The following PI4KA variants were observed in gnomAD, a reference collection of about 807,000 sequenced individuals.
PI4KA encodes phosphatidylinositol 4-kinase alpha.
A neutral mutation model predicts 271.4 loss-of-function variants in PI4KA; 122 were observed. That is an observed-to-expected ratio of 0.45 (90% CI 0.39 to 0.52). PI4KA has a LOEUF of 0.52. Among genes scored for constraint, PI4KA ranks in the 20% least tolerant of loss-of-function variants. PI4KA has a pLI of 0.00. For missense variants in PI4KA, 1,969 were observed against 2,769.1 expected, an observed-to-expected ratio of 0.71 and a Z score of 6.48; for synonymous variants, 1,041 against 1,078.8, an observed-to-expected ratio of 0.96 and a Z score of 0.69.
At chr22:20,770,626 ACACAC>A (rs1379938317) in intron 19 of PI4KA, among the ~76,000 whole-genome samples, 1 of 135,104 alleles carries the variant, frequency 7.4e-6, no homozygotes, top group Non-Finnish European at 1.6e-5. Flanking sequence ...ACACACACAC[ACACAC>A]AAGCTGGACA....
intron 9 of PI4KA, among the ~76,000 whole-genome samples, chr22:20,809,881 G>C (rs1264417596): frequency 6.6e-6 from 1 of 152,152 alleles, no homozygotes; most frequent in Non-Finnish European, 1.5e-5. Context: ...ATAGCTCGTT[G>C]GCAGGGGTAC....
At chr22:20,714,097 G>C (rs1170230417) in intron 47 of PI4KA, among the ~76,000 whole-genome samples, 12 of 152,184 alleles carry the variant, frequency 7.9e-5, no homozygotes, top group Non-Finnish European at 1.5e-4. Context: ...GACCTGCCCA[G>C]AGCCTTCAGA....
chr22:20,755,313 T>G (rs1208610073), intron 23 of PI4KA, among the ~76,000 whole-genome samples: 2 of 152,204 alleles, frequency 1.3e-5, no homozygotes, highest in African/African-American at 2.4e-5. Context: ...GTCTTGTCTT[T>G]TCTTCTTCTT....
At chr22:20,791,586 A>C (rs755087383) in intron 19 of PI4KA, among the ~76,000 whole-genome samples, 5 of 151,996 alleles carry the variant, frequency 3.3e-5, no homozygotes, top group South Asian at 2.1e-4. Context: ...GCAAAACCCT[A>C]TCTCTACAAA....
chr22:20,854,760 G>C (rs894320243), intron 1 of PI4KA, among the ~76,000 whole-genome samples: 1 of 138,122 alleles, frequency 7.2e-6, no homozygotes, highest in Non-Finnish European at 1.6e-5. Flanking sequence ...AGAGGGAAGA[G>C]AGAAGGGGAG....
At chr22:20,796,113 T>C in intron 18 of PI4KA, 33 bp downstream of exon 18, 1 of 1,594,730 alleles carries the variant, frequency 6.3e-7, no homozygotes, top group South Asian at 1.1e-5. Flanking sequence ...GATAGGACAC[T>C]GATGGGGAAG....
chr22:20,835,772 G>C (rs1250548035), intron 2 of PI4KA, among the ~76,000 whole-genome samples: 1 of 150,956 alleles, frequency 6.6e-6, no homozygotes, highest in Non-Finnish European at 1.5e-5. Flanking sequence ...AAGGTGGCCG[G>C]GTGCGGTGGC....
chr22:20,794,708 A>T (rs1158470855), intron 18 of PI4KA, among the ~76,000 whole-genome samples: 1 of 150,582 alleles, frequency 6.6e-6, no homozygotes, highest in Admixed American at 6.6e-5. Context: ...GCCCTGTTTC[A>T]CTCTCCCACT....
chr22:20,767,750 TC>T (rs1355603652), intron 19 of PI4KA, among the ~76,000 whole-genome samples: 1 of 151,862 alleles, frequency 6.6e-6, no homozygotes, highest in African/African-American at 2.4e-5. Flanking sequence ...TTCTCCTGCC[TC>T]AGCCTCCTGA....
chr22:20,796,380 G>A (rs1934988489), intron 17 of PI4KA, 66 bp from the exon 18 acceptor site: 2 of 1,506,748 alleles, frequency 1.3e-6, no homozygotes, highest in Non-Finnish European at 1.8e-6. Context: ...GGACGGCACT[G>A]CAGGGGTGAG....
At chr22:20,720,038 A>AC (rs1926531016) in intron 43 of PI4KA, among the ~76,000 whole-genome samples, 1 of 150,178 alleles carries the variant, frequency 6.7e-6, no homozygotes, top group African/African-American at 2.5e-5. Flanking sequence ...AAAAAAAAAA[A>AC]AAAAAAAAAA....
At chr22:20,786,057 T>C (rs777065095) in intron 19 of PI4KA, 1 of 1,614,146 alleles carries the variant, frequency 6.2e-7, no homozygotes, top group Non-Finnish European at 8.5e-7. Flanking sequence ...TACAATCTAG[T>C]GGAGTCCCTG....
Position 20,803,248 on chromosome 22 carries a change from C to T in PI4KA, c.1534G>A (p.Val512Ile), listed in dbSNP as rs1358698423. ...SVTPSLRDFL[V>I]IPSPVLVKLY... ...TTCACCAGAACTGGGGACGGGATGA[C>T]CAGGAAGTCTCGCAAGGACGGTGTC... is the stretch of plus-strand genomic sequence containing the variant. Residue 512 changes from valine (V) to isoleucine (I), a missense_variant, in exon 13 of 55, where the codon GTC (valine) becomes ATC (isoleucine). By Grantham distance (29) the Val-to-Ile change is conservative (BLOSUM62 3). Transcript: ENST00000255882. 1.6e-5 allele frequency: 26 copies of T among 1,613,974 alleles called. No homozygotes were observed. Among genetic ancestry groups the T allele is most frequent in the Non-Finnish European group, 2.2e-5 (26 of 1,179,990 alleles).
At chr22:20,848,321 C>G (rs1045930987) in intron 1 of PI4KA, among the ~76,000 whole-genome samples, 1 of 151,200 alleles carries the variant, frequency 6.6e-6, no homozygotes, top group Admixed American at 6.6e-5. Context: ...CCTGTCAAAA[C>G]CCTAGGTGAG....
intron 4 of PI4KA, among the ~76,000 whole-genome samples, chr22:20,823,103 G>A (rs1922926854): frequency 6.6e-6 from 1 of 151,924 alleles, no homozygotes; most frequent in African/African-American, 2.4e-5. Context: ...TAGTAGAGAT[G>A]GGGTTTCTTC....
chr22:20,778,826 C>T (rs1303712665), intron 19 of PI4KA, among the ~76,000 whole-genome samples: 1 of 152,144 alleles, frequency 6.6e-6, no homozygotes, highest in African/African-American at 2.4e-5. Flanking sequence ...AGAGCCACAC[C>T]CCTTTCCGTA....
At position 20,805,150 on chromosome 22, in the gene PI4KA, A is replaced by G. The variant is rs376685065; in HGVS notation, c.1184T>C (p.Phe395Ser). 23 of 1,613,558 alleles carry G rather than the reference A, an allele frequency of 1.4e-5. No homozygotes were observed. Among genetic ancestry groups the G allele is most frequent in the Middle Eastern group, 1.6e-4 (1 of 6,082 alleles). The change falls in exon 11 of 55, where the codon TTT (phenylalanine) becomes TCT (serine). Residue 395 changes from phenylalanine to serine, a missense_variant. By Grantham distance (155) the Phe-to-Ser change is radical (BLOSUM62 -2). This residue lies in a region of PI4KA where 540 missense variants were observed against 555.5 expected (regional missense o/e 0.97). Coordinates refer to ENST00000255882, the MANE Select transcript of PI4KA (RefSeq NM_058004.4). The stretch of plus-strand genomic sequence containing the variant: ...CACAAAATCATGGATCTCCTTCACA[A>G]AAGAGGTCGGGAGGTCTGTAGGAAA... ...LYYMKDLPTS[F>S]VKEIHDFVLE...
intron 8 of PI4KA, among the ~76,000 whole-genome samples, chr22:20,811,490 G>A (rs1446078319): frequency 6.6e-6 from 1 of 151,460 alleles, no homozygotes; most frequent in African/African-American, 2.4e-5. Context: ...TTCTACAACT[G>A]CTTAGGTACT....
chr22:20,764,863 C>A lies in PI4KA; in HGVS notation c.2662G>T (p.Ala888Ser). Residue 888 changes from alanine (A) to serine (S), a missense_variant, in exon 22 of 55, where the codon GCC (alanine) becomes TCC (serine). Ala to Ser is a moderately conservative substitution (Grantham distance 99). Coordinates refer to ENST00000255882, the MANE Select transcript of PI4KA (RefSeq NM_058004.4). ...ACAGAGAGGAGGTAGGTGGACATGGCGAAGTCCAGCTTGTTGATGAGTGCG... is the reference window on the plus strand; with the variant it reads ...ACAGAGAGGAGGTAGGTGGACATGGAGAAGTCCAGCTTGTTGATGAGTGCG... ...VSALINKLDF[A>S]MSTYLLSVYR... The A allele has an allele frequency of 1.9e-6, 3 of 1,613,416 alleles. No homozygotes were observed. Among genetic ancestry groups the A allele is most frequent in the Non-Finnish European group, 2.5e-6 (3 of 1,179,670 alleles).
Sources: allele counts gnomAD v4.1 joint callset (sites outside exome capture counted in the v4.1 genomes callset), GRCh38; gene constraint gnomAD v4.1.1; regional missense constraint gnomAD v4.1.1; transcripts MANE v1.5; gene names NCBI Gene and HGNC (gene_info 2026-07-23, HGNC 2026-07-21).